The following DLG1 variants were observed in gnomAD, a reference collection of about 807,000 sequenced individuals.
DLG1 encodes disks large homolog 1.
In DLG1, 42 loss-of-function variants were observed where a neutral mutation model predicts 123.4. That is an observed-to-expected ratio of 0.34 (90% CI 0.27 to 0.44). The LOEUF (loss-of-function observed/expected upper bound fraction) is 0.44, where lower values mean the gene tolerates loss of function less well. Ranked by LOEUF, DLG1 falls within the 20% of genes least tolerant of loss-of-function variation. DLG1 has a pLI of 1.00. For missense variants in DLG1, 942 were observed against 1,082.6 expected (o/e 0.87, Z 1.82); for synonymous variants, 317 against 356.2 (o/e 0.89, Z 1.24).
intron 4 of DLG1, among the ~76,000 whole-genome samples, chr3:197,258,830 T>C: frequency 6.6e-6 from 1 of 152,212 alleles, no homozygotes; most frequent in East Asian, 1.9e-4. Context: ...CAAATTATTT[T>C]AATTTAGTTT....
At chr3:197,072,645 A>C (rs2148963121) in intron 18 of DLG1, among the ~76,000 whole-genome samples, 1 of 151,680 alleles carries the variant, frequency 6.6e-6, no homozygotes, top group African/African-American at 2.4e-5. Context: ...GTACAAATAA[A>C]TTCTTCAAGT....
chr3:197,280,018 T>C (rs769640035), intron 4 of DLG1, among the ~76,000 whole-genome samples: 1 of 152,196 alleles, frequency 6.6e-6, no homozygotes, highest in Non-Finnish European at 1.5e-5. Context: ...TTCTAAACCA[T>C]TCTGAAATAG....
chr3:197,138,556 T>C (rs115254373), intron 8 of DLG1, among the ~76,000 whole-genome samples, 165 bp from the exon 9 acceptor site: 188 of 151,786 alleles, frequency 1.2e-3, no homozygotes, highest in African/African-American at 4.2e-3. Context: ...CAAAAACTAA[T>C]ATAAACAAAT....
chr3:197,178,861 G>A (rs1339756962), intron 5 of DLG1, among the ~76,000 whole-genome samples: 4 of 152,136 alleles, frequency 2.6e-5, no homozygotes, highest in African/African-American at 9.7e-5. Context: ...TTTTTGGATG[G>A]TTGTTTTAAT....
intron 3 of DLG1, among the ~76,000 whole-genome samples, chr3:197,288,692 G>A (rs1773126612): frequency 8.0e-6 from 1 of 125,338 alleles, no homozygotes; most frequent in Non-Finnish European, 1.6e-5. Flanking sequence ...TTGCACTCCA[G>A]CCTGGGCAAC....
At chr3:197,187,816 T>G (rs1005643758) in intron 5 of DLG1, among the ~76,000 whole-genome samples, 4 of 152,220 alleles carry the variant, frequency 2.6e-5, no homozygotes, top group African/African-American at 7.2e-5. Context: ...CCCCAAAATT[T>G]ACCCACTGTG....
chr3:197,043,269 A>T lies in DLG1; in HGVS notation c.*1354T>A, dbSNP rs1435516975. The T allele has an allele frequency of 6.6e-6, 1 of 152,204 alleles. No homozygotes were observed. Among genetic ancestry groups the T allele is most frequent in the Non-Finnish European group, 1.5e-5 (1 of 68,026 alleles). 9.4% of individuals were successfully genotyped at this position (152,204 alleles called of 1,614,324 possible). A position where few individuals can be genotyped will look rare whatever the true frequency, so the allele number is the denominator to read the frequency against. On this transcript the variant is annotated 3_prime_UTR_variant, in exon 25 of 25. Transcript: ENST00000667157. Reference sequence around the variant, plus strand: ...TGGGGCTTTTGCCTGCCTTCCTATTAATAAAAGGAGAACTAGAAGGAAAGG... The same window carrying T: ...TGGGGCTTTTGCCTGCCTTCCTATTTATAAAAGGAGAACTAGAAGGAAAGG...
intron 3 of DLG1, among the ~76,000 whole-genome samples, chr3:197,283,835 C>T (rs1224079348): frequency 6.7e-6 from 1 of 149,276 alleles, no homozygotes; most frequent in Non-Finnish European, 1.5e-5. Context: ...TAGAGACAAA[C>T]TTAACTCCCT....
intron 13 of DLG1, among the ~76,000 whole-genome samples, chr3:197,107,329 G>A (rs1767056817): frequency 6.6e-6 from 1 of 152,166 alleles, no homozygotes; most frequent in Admixed American, 6.5e-5. Flanking sequence ...CAGATCACGA[G>A]GTCAGGAGAT....
In DLG1 at chr3:197,171,882, G is replaced by A. The variant is rs114990818; in HGVS notation, c.484-22086C>T. Among the ~76,000 whole-genome samples, 516 of 152,136 alleles carry A rather than the reference G, an allele frequency of 3.4e-3. 2 individuals are homozygous for A. The highest frequency in any genetic ancestry group is 5.1e-3 in the African/African-American group (212 of 41,504). ...GGCTAGAGAAATAAGCAAAACCACA[G>A]ACTTCATGACTAATAACCTAAAATG... On this transcript the variant is annotated intron_variant, in intron 5 of 24. Transcript: ENST00000667157.
chr3:197,150,166 C>T (rs1793158504), intron 5 of DLG1, among the ~76,000 whole-genome samples: 1 of 151,884 alleles, frequency 6.6e-6, no homozygotes, highest in Non-Finnish European at 1.5e-5. Flanking sequence ...GTAAAGATTT[C>T]AATCATTTCA....
In DLG1 at chr3:197,248,372, CCT is replaced by C. The variant is rs1339746533; in HGVS notation, c.318+34305_318+34306del. Among the ~76,000 whole-genome samples, 7 of 152,258 alleles carry C rather than the reference CCT, an allele frequency of 4.6e-5. No individual in the cohort carries two copies. The East Asian group carries it at 1.2e-3, about 25-fold the overall frequency. ...GCCAGGTGGGTCTCAATCTCTTACC[CCT>C]GAGGCCACCACAATGAGGCAGTGGG... On this transcript the variant is annotated intron_variant, in intron 4 of 24. Transcript: ENST00000667157.
chr3:197,228,227 T>C (rs993649677), intron 4 of DLG1, among the ~76,000 whole-genome samples: 2 of 152,216 alleles, frequency 1.3e-5, no homozygotes, highest in Non-Finnish European at 2.9e-5. Context: ...TTTGTGCACA[T>C]GGAGGATTTG....
chr3:197,104,482 G>T (rs1195066514), intron 14 of DLG1, among the ~76,000 whole-genome samples: 2 of 152,082 alleles, frequency 1.3e-5, no homozygotes, highest in Non-Finnish European at 2.9e-5. Context: ...AGGAGTTTGA[G>T]ACCAGCCTGA....
At chr3:197,183,643 T>C (rs1035710614) in intron 5 of DLG1, 3 of 1,550,436 alleles carry the variant, frequency 1.9e-6, no homozygotes, top group Non-Finnish European at 2.6e-6. Context: ...AATGCAACTA[T>C]CTGCTGCCAG....
chr3:197,091,107 T>C, intron 14 of DLG1, 81 bp from the exon 15 acceptor site: 2 of 878,818 alleles, frequency 2.3e-6, no homozygotes, highest in Non-Finnish European at 3.6e-6. Flanking sequence ...ATATGTAAAC[T>C]GTCCTATAAT....
rs1168706379 is a variant in DLG1 at position 197,214,979 on chromosome 3, A to G, written c.319-20390T>C. On this transcript the variant is annotated intron_variant, in intron 4 of 24. Coordinates refer to ENST00000667157, the MANE Select transcript of DLG1 (RefSeq NM_001366207.1). ...AGTTTTGATGAAGGTGTGGGAAAAC[A>G]GAAACTCTAATACAGGTAAAAACAT... Among the ~76,000 whole-genome samples, 7 of 152,336 alleles carry G rather than the reference A, an allele frequency of 4.6e-5. No homozygotes were observed. In the East Asian group the frequency reaches 1.3e-3, roughly 29 times the overall value.
chr3:197,192,719 T>C (rs1366923776), intron 5 of DLG1, among the ~76,000 whole-genome samples: 1 of 152,146 alleles, frequency 6.6e-6, no homozygotes, highest in Non-Finnish European at 1.5e-5. Context: ...TCTTTATGTA[T>C]GTGTATGTGT....
In DLG1 at chr3:197,112,551, T is replaced by C. The variant is rs187378141; in HGVS notation, c.1443+3376A>G. The stretch of plus-strand genomic sequence containing the variant: ...TAGTATGTCATGTATGTGCTGAGAA[T>C]ATTTTTTACCACTGTGTGGCTTGCC... On this transcript the variant is annotated intron_variant, in intron 13 of 24. Coordinates refer to ENST00000667157, the MANE Select transcript of DLG1 (RefSeq NM_001366207.1). Among the ~76,000 whole-genome samples the C allele has an allele frequency of 1.5e-3, 231 of 152,278 alleles. 1 individual carries two copies. Among genetic ancestry groups the C allele is most frequent in the Non-Finnish European group, 3.0e-3 (201 of 67,996 alleles).
Sources: allele counts gnomAD v4.1 joint callset (sites outside exome capture counted in the v4.1 genomes callset), GRCh38; gene constraint gnomAD v4.1.1; transcripts MANE v1.5; gene names NCBI Gene and HGNC (gene_info 2026-07-23, HGNC 2026-07-21).